The following TP73 variants were observed in gnomAD, a reference collection of about 807,000 sequenced individuals.
TP73 encodes p53-like transcription factor.
In TP73, 25 loss-of-function variants were observed where a neutral mutation model predicts 62.5. That is an observed-to-expected ratio of 0.40 (90% CI 0.29 to 0.56). The LOEUF is 0.56. Ranked by LOEUF, TP73 falls within the 20% of genes least tolerant of loss-of-function variation. The pLI, the probability that TP73 is intolerant of heterozygous loss-of-function variation, is 0.46. For missense variants in TP73, 754 were observed against 913.3 expected, an observed-to-expected ratio of 0.83 and a Z score of 2.25; for synonymous variants, 423 against 377.5, an observed-to-expected ratio of 1.12 and a Z score of -1.40.
At chr1:3,707,489 A>G (rs1264987517) in intron 3 of TP73, 60 bp from the exon 4 acceptor site, 9 of 1,564,684 alleles carry the variant, frequency 5.8e-6, no homozygotes, top group Non-Finnish European at 7.8e-6. Context: ...CACCTCCTAG[A>G]CGGGACAGGA....
intron 1 of TP73, among the ~76,000 whole-genome samples, chr1:3,679,668 ATCTC>A (rs997762586): frequency 1.2e-5 from 1 of 80,360 alleles, no homozygotes; most frequent in Non-Finnish European, 2.6e-5. Context: ...TTGTCCTTGT[ATCTC>A]TCTGTCTCTC....
Position 3,707,643 on chromosome 1 carries a change from C to T in TP73, c.281C>T (p.Pro94Leu). 1 of 1,613,082 alleles carries T rather than the reference C, an allele frequency of 6.2e-7. No individual in the cohort carries two copies. The highest frequency in any genetic ancestry group is 8.5e-7 in the Non-Finnish European group (1 of 1,179,944). Residue 94 changes from proline (P) to leucine (L), a missense_variant, in exon 4 of 14, where the codon CCC becomes CTC. Pro to Leu is a moderately conservative substitution (Grantham distance 98). Transcript: ENST00000378295. ...PYTPEHAASV[P>L]THSPYAQPSS... ...ACCCCAGAGCACGCCGCCAGCGTGC[C>T]CACCCACTCGCCCTACGCACAACCC...
At chr1:3,721,143 G>A (rs1288758509) in intron 4 of TP73, among the ~76,000 whole-genome samples, 1 of 152,248 alleles carries the variant, frequency 6.6e-6, no homozygotes, top group African/African-American at 2.4e-5. Flanking sequence ...CCCTGCAGCG[G>A]CCTCAGCGGG....
chr1:3,679,401 C>T (rs1279652599), intron 1 of TP73, among the ~76,000 whole-genome samples: 4 of 152,330 alleles, frequency 2.6e-5, no homozygotes, highest in East Asian at 1.9e-4. Context: ...TCGGCTCCCA[C>T]GCTGTCTGTC....
Position 3,672,992 on chromosome 1 carries a change from C to T in TP73, c.-33-9341C>T, listed in dbSNP as rs180919599. ...TGCAGACTTCTCTTCCACCACCCACCCTCCTCATACCCAGCCTCTGAGGGC... is the reference window on the plus strand; with the variant it reads ...TGCAGACTTCTCTTCCACCACCCACTCTCCTCATACCCAGCCTCTGAGGGC... On this transcript the variant is annotated intron_variant, in intron 1 of 13. Transcript: ENST00000378295. The surrounding 1 kb of genome is among the most constrained non-coding windows in gnomAD (Gnocchi z 5.3). 1.9e-4 allele frequency among the ~76,000 whole-genome samples: 29 copies of T among 152,348 alleles called. No homozygotes were observed. The East Asian group carries it at 4.6e-3, about 24-fold the overall frequency.
rs1641943238 is a variant in TP73, at chr1:3,729,339, G to C, written c.1087G>C (p.Glu363Gln). 1.2e-6 allele frequency: 2 copies of C among 1,613,220 alleles called. No individual in the cohort carries two copies. Among genetic ancestry groups the C allele is most frequent in the Non-Finnish European group, 1.7e-6 (2 of 1,180,008 alleles). ...CCTCTGTGCTCAGGTGCGAGGCCGG[G>C]AGAACTTTGAGATCCTGATGAAGCT... ...DTYYLQVRGR[E>Q]NFEILMKLKE... Residue 363 changes from glutamate to glutamine, a missense_variant, in exon 10 of 14, where the codon GAG (glutamate) becomes CAG (glutamine). Glu to Gln is a conservative substitution (Grantham distance 29). This residue lies in a region of TP73 where 458 missense variants were observed against 528.7 expected (regional missense o/e 0.87). Coordinates refer to ENST00000378295, the MANE Select transcript of TP73 (RefSeq NM_005427.4).
At chr1:3,706,257 C>G (rs1375657574) in intron 3 of TP73, among the ~76,000 whole-genome samples, 1 of 152,292 alleles carries the variant, frequency 6.6e-6, no homozygotes, top group South Asian at 2.1e-4. Context: ...TGGGGTCAAT[C>G]GTTTCCCCAG....
intron 1 of TP73, among the ~76,000 whole-genome samples, chr1:3,678,966 C>T (rs978150383): frequency 6.6e-6 from 1 of 152,238 alleles, no homozygotes; most frequent in Non-Finnish European, 1.5e-5. Flanking sequence ...CCCACATGCT[C>T]CTGGTGGTGG....
chr1:3,677,164 G>A (rs1570412207), intron 1 of TP73, among the ~76,000 whole-genome samples: 1 of 152,250 alleles, frequency 6.6e-6, no homozygotes, highest in South Asian at 2.1e-4. Context: ...GGGAAGCTGT[G>A]GGGGCCTAAT....
At chr1:3,686,838 A>G (rs1173141916) in intron 3 of TP73, among the ~76,000 whole-genome samples, 1 of 152,152 alleles carries the variant, frequency 6.6e-6, no homozygotes, top group African/African-American at 2.4e-5. Context: ...AGAATTACAT[A>G]GCCCTCTGGG....
intron 1 of TP73, among the ~76,000 whole-genome samples, chr1:3,655,181 G>A (rs531597492): frequency 6.6e-6 from 1 of 152,356 alleles, no homozygotes; most frequent in East Asian, 1.9e-4. Flanking sequence ...GAGATCAGGA[G>A]TTCAAGACCA....
intron 10 of TP73, 83 bp downstream of exon 10, chr1:3,729,531 C>A (rs1570644903): frequency 3.1e-6 from 5 of 1,600,886 alleles, no homozygotes; most frequent in Non-Finnish European, 3.4e-6. Context: ...GGACCAGAAA[C>A]CCCTCCAGAA....
At chr1:3,654,272 G>T (rs1644818972) in intron 1 of TP73, among the ~76,000 whole-genome samples, 1 of 152,350 alleles carries the variant, frequency 6.6e-6, no homozygotes, top group African/African-American at 2.4e-5. Flanking sequence ...ACGGAAGGCG[G>T]ACCTGAGCGG....
At chr1:3,730,242 G>T in intron 11 of TP73, 94 bp downstream of exon 11, 2 of 1,343,560 alleles carry the variant, frequency 1.5e-6, no homozygotes, top group Non-Finnish European at 1.9e-6. Flanking sequence ...CGGGACCCAG[G>T]GCAGGTGTCT....
At chr1:3,722,865 C>T (rs955086844) in intron 5 of TP73, among the ~76,000 whole-genome samples, 3 of 149,810 alleles carry the variant, frequency 2.0e-5, no homozygotes, top group African/African-American at 4.9e-5. Flanking sequence ...GGGCTGGGCA[C>T]CTCTTTGCAC....
intron 1 of TP73, among the ~76,000 whole-genome samples, chr1:3,660,172 A>G (rs1644959873): frequency 6.6e-6 from 1 of 152,236 alleles, no homozygotes. Flanking sequence ...AGGACTTGAT[A>G]TCAGACTTCA....
intron 1 of TP73, among the ~76,000 whole-genome samples, chr1:3,661,459 A>T (rs1373328087): frequency 6.6e-6 from 1 of 152,150 alleles, no homozygotes; most frequent in Non-Finnish European, 1.5e-5. Flanking sequence ...CTGTAATTCC[A>T]GCACTTTGAG....
At chr1:3,705,276 T>C (rs1639530978) in intron 3 of TP73, among the ~76,000 whole-genome samples, 2 of 152,366 alleles carry the variant, frequency 1.3e-5, no homozygotes, top group East Asian at 1.9e-4. Flanking sequence ...AAGAGGCCAC[T>C]GTACAGACAC....
At chr1:3,724,360 A>G (rs1249644100) in intron 6 of TP73, among the ~76,000 whole-genome samples, 1 of 138,140 alleles carries the variant, frequency 7.2e-6, no homozygotes, top group East Asian at 2.1e-4. Context: ...CTCCCCCACC[A>G]GGTCCCCATC....
Sources: allele counts gnomAD v4.1 joint callset (sites outside exome capture counted in the v4.1 genomes callset), GRCh38; gene constraint gnomAD v4.1.1; regional missense constraint gnomAD v4.1.1; non-coding constraint Gnocchi (gnomAD v3.1); transcripts MANE v1.5; gene names NCBI Gene and HGNC (gene_info 2026-07-23, HGNC 2026-07-21).